ANO10: variants seen among roughly 807,000 people sequenced by gnomAD.
ANO10 encodes the protein anoctamin 10, also known as anoctamin-10.
In ANO10, 77 loss-of-function variants were observed where a neutral mutation model predicts 74.7. That is an observed-to-expected ratio of 1.03 (90% CI 0.86 to 1.25). The LOEUF is 1.25. Ranked by LOEUF, ANO10 falls within the 50% of genes most tolerant of loss-of-function variation. ANO10 has a pLI of 0.00. For synonymous variants in ANO10, 279 were observed against 284.9 expected (o/e 0.98, Z 0.21); for missense variants, 721 against 778.1 (o/e 0.93, Z 0.87).
chr3:43,400,649 G>A (rs984754236), intron 12 of ANO10, among the ~76,000 whole-genome samples: 11 of 152,140 alleles, frequency 7.2e-5, no homozygotes, highest in East Asian at 1.9e-4. Context: ...GCATGGTGGC[G>A]CACACCTGTA....
intron 1 of ANO10, among the ~76,000 whole-genome samples, chr3:43,612,714 A>G (rs949389280): frequency 1.3e-5 from 2 of 152,252 alleles, no homozygotes; most frequent in Non-Finnish European, 2.9e-5. Flanking sequence ...CCAACACTGC[A>G]TAACATCTTT....
chr3:43,639,311 A>G (rs1181097563), intron 1 of ANO10, among the ~76,000 whole-genome samples: 1 of 152,198 alleles, frequency 6.6e-6, no homozygotes, highest in African/African-American at 2.4e-5. Context: ...GCCAGCCCAG[A>G]GATCAGATGA....
chr3:43,553,533 TTCTC>T (rs1243702739), intron 10 of ANO10, among the ~76,000 whole-genome samples: 2 of 114,946 alleles, frequency 1.7e-5, no homozygotes, highest in South Asian at 3.2e-4. Context: ...ACTGGATAAT[TTCTC>T]TCTTTTTTTT....
rs534246468 is a variant in ANO10, at chr3:43,593,702, C to G, written c.472+4830G>C. On this transcript the variant is annotated intron_variant, in intron 4 of 12. Coordinates refer to ENST00000292246, the MANE Select transcript of ANO10 (RefSeq NM_018075.5). ...CGAGGCTAGGAAGAAACTGCATCAA[C>G]TAACGAGCAAACTAACCAGCTAACA... Among the ~76,000 whole-genome samples the G allele has an allele frequency of 1.9e-3, 289 of 152,326 alleles. 2 individuals are homozygous for G. The highest frequency in any genetic ancestry group is 1.8e-3 in the Non-Finnish European group (125 of 68,032).
rs528776283 is a variant in ANO10, at chr3:43,484,871, A to C, written c.1798-52144T>G. On this transcript the variant is annotated intron_variant, in intron 11 of 12. Transcript: ENST00000292246. ...AGGCGGGGCTGTGTTCTCCGCCAAC[A>C]GGCATGACCAATTGTCTAAGCATTT... is the stretch of plus-strand genomic sequence containing the variant. The C allele has an allele frequency of 9.6e-4, 558 of 580,834 alleles. 3 individuals are homozygous for C. Among genetic ancestry groups the C allele is most frequent in the African/African-American group, 9.1e-3 (477 of 52,612 alleles). The allele number at this position is 580,834 out of a possible 1,614,324, so 36.0% of individuals were successfully genotyped here. A position where few individuals can be genotyped will look rare whatever the true frequency, so the allele number is the denominator to read the frequency against.
intron 1 of ANO10, among the ~76,000 whole-genome samples, chr3:43,652,653 G>A (rs374604356): frequency 1.3e-5 from 2 of 152,234 alleles, no homozygotes; most frequent in South Asian, 4.1e-4. Flanking sequence ...AGGTTTATAA[G>A]TTATAGCTCA....
chr3:43,444,917 A>C (rs1183015991), intron 11 of ANO10, among the ~76,000 whole-genome samples: 1 of 152,028 alleles, frequency 6.6e-6, no homozygotes, highest in South Asian at 2.1e-4. Context: ...AGGTCAGGAG[A>C]TCGAGACCAT....
chr3:43,429,065 T>C (rs571042984), intron 12 of ANO10, among the ~76,000 whole-genome samples: 2 of 152,206 alleles, frequency 1.3e-5, no homozygotes, highest in Admixed American at 6.5e-5. Context: ...AAAGTGTACC[T>C]GAAGATATGG....
At position 43,561,118 on chromosome 3, in the gene ANO10, A is replaced by G. The variant is rs2080009535; in HGVS notation, c.1476+102T>C. 5 of 1,346,482 alleles carry G rather than the reference A, an allele frequency of 3.7e-6. No homozygotes were observed. In the South Asian group the frequency reaches 5.9e-5, roughly 16 times the overall value. The allele number at this position is 1,346,482 out of a possible 1,614,324, so 83.4% of individuals were successfully genotyped here. A position where few individuals can be genotyped will look rare whatever the true frequency, so the allele number is the denominator to read the frequency against. ...AAACTGACTGGAAAGCACTTCTAGAATAGTCACATCTGAGATCATGAATGT... is the reference window on the plus strand; with the variant it reads ...AAACTGACTGGAAAGCACTTCTAGAGTAGTCACATCTGAGATCATGAATGT... On this transcript the variant is annotated intron_variant, in intron 9 of 12. Coordinates refer to ENST00000292246, the MANE Select transcript of ANO10 (RefSeq NM_018075.5).
intron 11 of ANO10, among the ~76,000 whole-genome samples, chr3:43,481,746 A>G (rs936611463): frequency 1.3e-5 from 2 of 152,072 alleles, no homozygotes; most frequent in Non-Finnish European, 2.9e-5. Context: ...GTTTTTAGAT[A>G]ATAACTCTTT....
At chr3:43,689,156 A>G (rs1575594633) in intron 1 of ANO10, among the ~76,000 whole-genome samples, 1 of 152,140 alleles carries the variant, frequency 6.6e-6, no homozygotes, top group Non-Finnish European at 1.5e-5. Flanking sequence ...GAATCTAATC[A>G]CCACCCATCA....
At chr3:43,513,407 T>C (rs2077584463) in intron 11 of ANO10, among the ~76,000 whole-genome samples, 1 of 152,236 alleles carries the variant, frequency 6.6e-6, no homozygotes, top group Non-Finnish European at 1.5e-5. Context: ...ATGTATACTA[T>C]AAACCCTAAA....
intron 11 of ANO10, among the ~76,000 whole-genome samples, chr3:43,538,780 G>A (rs2149271047): frequency 6.6e-6 from 1 of 152,282 alleles, no homozygotes; most frequent in Non-Finnish European, 1.5e-5. Flanking sequence ...ACAGGGGCAG[G>A]TGCTTCATAG....
intron 11 of ANO10, among the ~76,000 whole-genome samples, chr3:43,547,580 CAATA>C (rs1018278139): frequency 3.3e-5 from 5 of 151,888 alleles, no homozygotes; most frequent in African/African-American, 7.3e-5. Context: ...TGTGAAGAGA[CAATA>C]AATAAATAAA....
rs2083001526 is a variant in ANO10 at position 43,614,771 on chromosome 3, C to CCA, written c.-12+7137_-12+7138insTG. On this transcript the variant is annotated intron_variant, in intron 1 of 12. Transcript: ENST00000292246. ...CCCAAATTCTTAGAAGAAAACTAAA[C>CCA]TATATATATATATATATATATATAT... 1.5e-4 allele frequency among the ~76,000 whole-genome samples: 8 copies of CCA among 52,700 alleles called. 1 individual carries two copies. The highest frequency in any genetic ancestry group is 1.3e-3 in the Admixed American group (6 of 4,728). The allele number at this position is 52,700 out of a possible 152,430, so 34.6% of individuals were successfully genotyped here. A position where few individuals can be genotyped will look rare whatever the true frequency, so the allele number is the denominator to read the frequency against.
intron 11 of ANO10, among the ~76,000 whole-genome samples, chr3:43,478,833 A>T (rs1361387175): frequency 6.6e-6 from 1 of 152,246 alleles, no homozygotes; most frequent in Non-Finnish European, 1.5e-5. Context: ...GTTTTTAAAA[A>T]GTCTGATATA....
intron 1 of ANO10, among the ~76,000 whole-genome samples, chr3:43,630,900 ACTT>A (rs1327592259): frequency 1.3e-5 from 2 of 148,392 alleles, no homozygotes; most frequent in Non-Finnish European, 3.0e-5. Flanking sequence ...TTCCCCTTTC[ACTT>A]CTTTTTGAAG....
intron 4 of ANO10, among the ~76,000 whole-genome samples, chr3:43,586,000 A>C (rs1193598534): frequency 1.3e-5 from 2 of 152,152 alleles, no homozygotes; most frequent in Admixed American, 1.3e-4. Flanking sequence ...CCAAATCACA[A>C]ACTATAAAAA....
At chr3:43,501,007 T>C (rs2077079908) in intron 11 of ANO10, among the ~76,000 whole-genome samples, 1 of 152,100 alleles carries the variant, frequency 6.6e-6, no homozygotes, top group Non-Finnish European at 1.5e-5. Flanking sequence ...AGTGAAGAAA[T>C]TAGTTGTATT....
Sources: gnomAD v4.1 joint callset for allele counts (sites outside exome capture counted in the v4.1 genomes callset) on GRCh38, gnomAD v4.1.1 for gene constraint, MANE v1.5 for transcripts, NCBI Gene and HGNC (gene_info 2026-07-23, HGNC 2026-07-21) for gene names.